Variants in CEP112 observed in about 807,000 individuals in gnomAD.
CEP112 encodes centrosomal protein 112.
A neutral mutation model predicts 153.0 loss-of-function variants in CEP112; 127 were observed. That is an observed-to-expected ratio of 0.83 (90% CI 0.72 to 0.96). The LOEUF (loss-of-function observed/expected upper bound fraction) is 0.96. CEP112 is among the 40% of genes least tolerant of loss of function. CEP112 has a pLI of 0.00. For synonymous variants in CEP112, 358 were observed against 374.4 expected (o/e 0.96, Z 0.51); for missense variants, 1,089 against 1,101.2 (o/e 0.99, Z 0.16).
At chr17:65,968,678 A>T (rs762646229) in intron 17 of CEP112, among the ~76,000 whole-genome samples, 43 of 152,184 alleles carry the variant, frequency 2.8e-4, no homozygotes, top group Non-Finnish European at 2.1e-4. Context: ...CGTTATTTCT[A>T]TTAGAAAAGT....
chr17:65,992,374 G>A (rs1304195432), intron 17 of CEP112, among the ~76,000 whole-genome samples: 2 of 151,986 alleles, frequency 1.3e-5, no homozygotes, highest in African/African-American at 4.8e-5. Context: ...CACTGTAATG[G>A]AATATTATAA....
At chr17:66,148,335 G>A (rs1024631821) in intron 4 of CEP112, among the ~76,000 whole-genome samples, 3 of 152,158 alleles carry the variant, frequency 2.0e-5, no homozygotes, top group African/African-American at 7.2e-5. Flanking sequence ...TTCAAGGTAA[G>A]ATTTGGGTGG....
At chr17:65,644,534 G>T in intron 24 of CEP112, 1 of 238,994 alleles carries the variant, frequency 4.2e-6, no homozygotes, top group South Asian at 7.5e-5. Context: ...GAACAATATG[G>T]AACACAAGGT....
intron 17 of CEP112, among the ~76,000 whole-genome samples, chr17:65,971,792 C>G (rs35470676): frequency 0.33 from 50,823 of 151,948 alleles, 10,018 homozygotes; most frequent in Non-Finnish European, 0.46. Flanking sequence ...TAATACCAGA[C>G]AAAGCCTATT....
intron 6 of CEP112, among the ~76,000 whole-genome samples, chr17:66,124,116 T>C (rs952587833): frequency 6.6e-6 from 1 of 152,214 alleles, no homozygotes; most frequent in African/African-American, 2.4e-5. Flanking sequence ...GGCAATAGTT[T>C]ACATGACAGT....
At chr17:65,993,267 G>T (rs528374803) in intron 17 of CEP112, among the ~76,000 whole-genome samples, 1 of 152,108 alleles carries the variant, frequency 6.6e-6, no homozygotes, top group East Asian at 1.9e-4. Flanking sequence ...CAAATGACAT[G>T]ATCTCACTGC....
intron 17 of CEP112, among the ~76,000 whole-genome samples, chr17:65,970,422 A>G (rs1237053124): frequency 1.6e-5 from 2 of 128,742 alleles, no homozygotes; most frequent in African/African-American, 3.1e-5. Context: ...CATGTATATT[A>G]CATGCATGCA....
intron 21 of CEP112, among the ~76,000 whole-genome samples, chr17:65,847,329 C>T (rs781138325): frequency 2.0e-5 from 3 of 152,198 alleles, no homozygotes; most frequent in African/African-American, 4.8e-5. Flanking sequence ...CCCTCCTCTA[C>T]CTGCAGAACT....
At chr17:66,150,299 G>A (rs896507464) in intron 4 of CEP112, among the ~76,000 whole-genome samples, 3 of 150,386 alleles carry the variant, frequency 2.0e-5, no homozygotes, top group African/African-American at 7.4e-5. Context: ...CCAAGCTCCA[G>A]CAATTCTTGT....
intron 20 of CEP112, among the ~76,000 whole-genome samples, chr17:65,860,864 T>C (rs2058290620): frequency 6.6e-6 from 1 of 152,164 alleles, no homozygotes; most frequent in South Asian, 2.1e-4. Context: ...AAAATGTCCA[T>C]CAATTGATGA....
chr17:65,899,584 ATACTT>A (rs1799722025), intron 20 of CEP112, among the ~76,000 whole-genome samples: 1 of 152,170 alleles, frequency 6.6e-6, no homozygotes, highest in African/African-American at 2.4e-5. Flanking sequence ...GTTGGTAACT[ATACTT>A]TATAATAATG....
At chr17:65,655,159 T>C (rs949639784) in intron 24 of CEP112, 4 of 752,998 alleles carry the variant, frequency 5.3e-6, no homozygotes, top group Middle Eastern at 2.8e-4. Flanking sequence ...ATTAAAAGTG[T>C]ATGTAGGCAG....
At chr17:66,158,711 G>T (rs1033273880) in intron 4 of CEP112, among the ~76,000 whole-genome samples, 1 of 152,292 alleles carries the variant, frequency 6.6e-6, no homozygotes, top group East Asian at 1.9e-4. Context: ...AGCGTTTAGA[G>T]GGAAATTTAT....
intron 23 of CEP112, among the ~76,000 whole-genome samples, chr17:65,734,540 A>T (rs1230791225): frequency 6.6e-6 from 1 of 152,256 alleles, no homozygotes; most frequent in Non-Finnish European, 1.5e-5. Context: ...GTAAACATAA[A>T]TATAATATTT....
intron 17 of CEP112, among the ~76,000 whole-genome samples, chr17:65,999,637 G>T (rs2145368956): frequency 6.6e-6 from 1 of 151,904 alleles, no homozygotes; most frequent in East Asian, 1.9e-4. Context: ...TTGTGTCATG[G>T]GGTTTGTTGT....
At chr17:66,080,465 A>G (rs1170202748) in intron 8 of CEP112, among the ~76,000 whole-genome samples, 1 of 152,238 alleles carries the variant, frequency 6.6e-6, no homozygotes, top group Non-Finnish European at 1.5e-5. Flanking sequence ...ACAAGGAGAT[A>G]CCACCTCACA....
chr17:66,016,887 T>C (rs1450654499), intron 16 of CEP112, among the ~76,000 whole-genome samples: 1 of 152,200 alleles, frequency 6.6e-6, no homozygotes. Context: ...TCCAAGCTCA[T>C]AATCAGATGG....
At chr17:65,701,282 G>C (rs758971214) in intron 23 of CEP112, among the ~76,000 whole-genome samples, 2 of 152,186 alleles carry the variant, frequency 1.3e-5, no homozygotes, top group Non-Finnish European at 2.9e-5. Context: ...GAATGACTCT[G>C]AGGCTTTCAG....
intron 6 of CEP112, 88 bp from the exon 7 acceptor site, chr17:66,096,720 T>C (rs2068362293): frequency 1.2e-6 from 1 of 814,286 alleles, no homozygotes; most frequent in African/African-American, 1.7e-5. Context: ...TAAGCTGCCA[T>C]ATGAAACATT....
Sources: gnomAD v4.1 joint callset for allele counts (sites outside exome capture counted in the v4.1 genomes callset) on GRCh38, gnomAD v4.1.1 for gene constraint, MANE v1.5 for transcripts, NCBI Gene and HGNC (gene_info 2026-07-23, HGNC 2026-07-21) for gene names.